Variants in ARFIP2 observed in about 807,000 individuals in gnomAD.
ARFIP2 encodes arfaptin-2.
Under a neutral mutation model 39.2 loss-of-function variants are expected in ARFIP2, and 14 were observed. That is an observed-to-expected ratio of 0.36 (90% CI 0.24 to 0.56). ARFIP2 has a LOEUF of 0.56. Ranked by LOEUF, ARFIP2 falls within the 20% of genes least tolerant of loss-of-function variation. ARFIP2 has a pLI of 0.85. For synonymous variants in ARFIP2, 167 were observed against 172.4 expected, an observed-to-expected ratio of 0.97 and a Z score of 0.24; for missense variants, 305 against 422.5, an observed-to-expected ratio of 0.72 and a Z score of 2.44.
In ARFIP2 at chr11:6,479,373, G is replaced by T. The variant is rs780649932; in HGVS notation, c.197-115C>A. On this transcript the variant is annotated intron_variant, in intron 3 of 7. Transcript: ENST00000396777. ...ATTGACTTCCCTGAAGGAGATGCTAGAGACAACTGGATGCTCCTGCTTACT... is the reference window on the plus strand; with the variant it reads ...ATTGACTTCCCTGAAGGAGATGCTATAGACAACTGGATGCTCCTGCTTACT... The T allele has an allele frequency of 6.3e-6, 10 of 1,599,948 alleles. No individual in the cohort carries two copies. The African/African-American group carries it at 9.4e-5, about 15-fold the overall frequency.
chr11:6,480,533 T>G, intron 1 of ARFIP2, 70 bp from the exon 2 acceptor site: 2 of 774,560 alleles, frequency 2.6e-6, no homozygotes, highest in Admixed American at 6.3e-5. Context: ...CCTCTGTCAT[T>G]TCTTTAAAGG....
rs527723995 is a variant in ARFIP2 at position 6,479,657 on chromosome 11, T to C, written c.196+315A>G. 112 of 531,408 alleles carry C rather than the reference T, an allele frequency of 2.1e-4. 2 individuals carry two copies. In the South Asian group the frequency reaches 2.8e-3, roughly 13 times the overall value. 32.9% of individuals were successfully genotyped at this position (531,408 alleles called of 1,614,324 possible). On this transcript the variant is annotated intron_variant, in intron 3 of 7. Coordinates refer to ENST00000396777, the MANE Select transcript of ARFIP2 (RefSeq NM_001376558.2). Reference sequence around the variant, plus strand: ...TCTAAACTTTAGAATCTAAAAATTCTGAGAAGCTTCACAAAGTTCCAACTC... The same window carrying C: ...TCTAAACTTTAGAATCTAAAAATTCCGAGAAGCTTCACAAAGTTCCAACTC...
In ARFIP2 at chr11:6,481,291, C is replaced by A; in HGVS notation, c.-103G>T. 1.5e-6 allele frequency: 1 copy of A among 677,778 alleles called. No individual in the cohort carries two copies. Among genetic ancestry groups the A allele is most frequent in the Non-Finnish European group, 2.5e-6 (1 of 406,924 alleles). The allele number at this position is 677,778 out of a possible 1,614,324, so 42.0% of individuals were successfully genotyped here. Reference sequence around the variant, plus strand: ...GCCCGGGCCGCGCGGGGACCTCGGGCTCCAGTTCCCGTCGCGATCCTAGCA... The same window carrying A: ...GCCCGGGCCGCGCGGGGACCTCGGGATCCAGTTCCCGTCGCGATCCTAGCA... On this transcript the variant is annotated 5_prime_UTR_variant, in exon 1 of 8. Coordinates refer to ENST00000396777, the MANE Select transcript of ARFIP2 (RefSeq NM_001376558.2).
In ARFIP2 at chr11:6,481,243, C is replaced by T; in HGVS notation, c.-55G>A. 2 of 590,534 alleles carry T rather than the reference C, an allele frequency of 3.4e-6. No individual in the cohort carries two copies. Among genetic ancestry groups the T allele is most frequent in the East Asian group, 2.8e-5 (1 of 35,228 alleles). The allele number at this position is 590,534 out of a possible 1,614,324, so 36.6% of individuals were successfully genotyped here. A position where few individuals can be genotyped will look rare whatever the true frequency, so the allele number is the denominator to read the frequency against. On this transcript the variant is annotated 5_prime_UTR_variant, in exon 1 of 8. Transcript: ENST00000396777. ...ATGTTCCTCTCACCTCGGGCCGGGC[C>T]GCTCTTCCCCTCAGGGCGCCAGGCC...
chr11:6,477,034 G>T lies in ARFIP2; in HGVS notation c.*79C>A. The T allele has an allele frequency of 6.8e-7, 1 of 1,464,000 alleles. No homozygotes were observed. Among genetic ancestry groups the T allele is most frequent in the Non-Finnish European group, 9.2e-7 (1 of 1,092,744 alleles). The allele number at this position is 1,464,000 out of a possible 1,614,324, so 90.7% of individuals were successfully genotyped here. A position where few individuals can be genotyped will look rare whatever the true frequency, so the allele number is the denominator to read the frequency against. On this transcript the variant is annotated 3_prime_UTR_variant, in exon 8 of 8. Coordinates refer to ENST00000396777, the MANE Select transcript of ARFIP2 (RefSeq NM_001376558.2). This position sits in a 1 kb window ranked among gnomAD's most constrained non-coding sequence, Gnocchi z 4.8. ...AGCCAGAGGGCAAGTGACAAAGGAT[G>T]TACCATGTCCAATCTCCCACACCCT...
At chr11:6,479,358 C>G (rs1249296765) in intron 3 of ARFIP2, 100 bp from the exon 4 acceptor site, 1 of 1,605,728 alleles carries the variant, frequency 6.2e-7, no homozygotes, top group African/African-American at 1.3e-5. Flanking sequence ...ATTGACTTCC[C>G]TGAAGGAGAT....
chr11:6,479,259 C>CTA lies in ARFIP2; in HGVS notation c.197-3_197-2dup. On this transcript the variant is annotated splice_acceptor_variant, in intron 3 of 7. Coordinates refer to ENST00000396777, the MANE Select transcript of ARFIP2 (RefSeq NM_001376558.2). LOFTEE classifies it high-confidence loss of function. ...CTGTGAGATGGATGGCGGCCAGACC[C>CTA]TAAAGGATCAAGTTCTCTGACACCA... 2 of 1,614,088 alleles carry CTA rather than the reference C, an allele frequency of 1.2e-6. No individual in the cohort carries two copies. Among genetic ancestry groups the CTA allele is most frequent in the Non-Finnish European group, 1.7e-6 (2 of 1,180,024 alleles).
At position 6,478,345 on chromosome 11, in the gene ARFIP2, C is replaced by T. The variant is rs950986720; in HGVS notation, c.538-147G>A. On this transcript the variant is annotated intron_variant, in intron 5 of 7. Coordinates refer to ENST00000396777, the MANE Select transcript of ARFIP2 (RefSeq NM_001376558.2). This position sits in a 1 kb window ranked among gnomAD's most constrained non-coding sequence, Gnocchi z 4.8. ...CTGCCTCCAGCAAGGCTCTCTTAGC[C>T]GGAAAGTTAGTGGGATCACCCTGGG... 2.0e-5 allele frequency: 23 copies of T among 1,140,360 alleles called. No homozygotes were observed. The highest frequency in any genetic ancestry group is 2.2e-4 in the Middle Eastern group (1 of 4,546). The allele number at this position is 1,140,360 out of a possible 1,614,324, so 70.6% of individuals were successfully genotyped here.
chr11:6,480,477 C>T lies in ARFIP2; in HGVS notation c.-42-14G>A, dbSNP rs142980101. On this transcript the variant is annotated splice_polypyrimidine_tract_variant and intron_variant, in intron 1 of 7. Transcript: ENST00000396777. ...CACCCCAGCACCCTGCAAAGCCCAA[C>T]ACAGAAGTTCTGGACACTGGCCAGC... 243 of 1,400,194 alleles carry T rather than the reference C, an allele frequency of 1.7e-4. 1 individual carries two copies. The African/African-American group carries it at 3.2e-3, about 19-fold the overall frequency. The allele number at this position is 1,400,194 out of a possible 1,614,324, so 86.7% of individuals were successfully genotyped here.
chr11:6,480,382 T>A lies in ARFIP2; in HGVS notation c.40A>T (p.Ile14Phe). 2 of 1,613,546 alleles carry A rather than the reference T, an allele frequency of 1.2e-6. No individual in the cohort carries two copies. Among genetic ancestry groups the A allele is most frequent in the Non-Finnish European group, 1.7e-6 (2 of 1,179,780 alleles). The change falls in exon 2 of 8, where the codon ATC becomes TTC. Residue 14 changes from isoleucine to phenylalanine, a missense_variant. Around this residue, in one of 3 missense-constraint regions of ARFIP2, gnomAD observed 151 missense variants for 203.1 expected, o/e 0.74. Transcript: ENST00000396777. ...GCTTCGCCGTTCCCGTGGATAGGGATCTCCATTGTGGCTGCCTTCCCTAGG... is the reference window on the plus strand; with the variant it reads ...GCTTCGCCGTTCCCGTGGATAGGGAACTCCATTGTGGCTGCCTTCCCTAGG... ...GILGKAATME[I>F]PIHGNGEARQ... is the part of the protein sequence containing the mutation.
Position 6,476,781 on chromosome 11 carries a change from G to A in ARFIP2, c.*332C>T. 3.9e-6 allele frequency: 1 copy of A among 258,948 alleles called. No individual in the cohort carries two copies. The allele number at this position is 258,948 out of a possible 1,614,324, so 16.0% of individuals were successfully genotyped here. A position where few individuals can be genotyped will look rare whatever the true frequency, so the allele number is the denominator to read the frequency against. On this transcript the variant is annotated 3_prime_UTR_variant, in exon 8 of 8. Coordinates refer to ENST00000396777, the MANE Select transcript of ARFIP2 (RefSeq NM_001376558.2). ...CCATTGGCTGACAGGGCATTTTCAG[G>A]CTCTGTCATTGGTCAGGGAGCACAC...
In ARFIP2 at chr11:6,477,707, G is replaced by A. The variant is rs762500928; in HGVS notation, c.870+11C>T. On this transcript the variant is annotated intron_variant, in intron 7 of 7. Transcript: ENST00000396777. The surrounding 1 kb of genome is among the most constrained non-coding windows in gnomAD (Gnocchi z 4.8). Reference sequence around the variant, plus strand: ...AAAGGTGGGCTAGGGTCAAGGGGGTGGGGTTGGCACCTTGTTTTCTTCCAG... The same window carrying A: ...AAAGGTGGGCTAGGGTCAAGGGGGTAGGGTTGGCACCTTGTTTTCTTCCAG... The A allele has an allele frequency of 3.7e-6, 6 of 1,612,950 alleles. No homozygotes were observed. Among genetic ancestry groups the A allele is most frequent in the Admixed American group, 1.7e-5 (1 of 59,942 alleles).
chr11:6,479,913 T>C, intron 3 of ARFIP2, 59 bp downstream of exon 3: 1 of 1,517,672 alleles, frequency 6.6e-7, no homozygotes, highest in Non-Finnish European at 9.1e-7. Context: ...ATCCTATGCT[T>C]CCCCAAACCA....
chr11:6,479,914 C>T, intron 3 of ARFIP2, 58 bp downstream of exon 3: 1 of 1,527,164 alleles, frequency 6.5e-7, no homozygotes, highest in Non-Finnish European at 9.1e-7. Context: ...TCCTATGCTT[C>T]CCCAAACCAT....
Position 6,476,932 on chromosome 11 carries a change from T to C in ARFIP2, c.*181A>G. The C allele has an allele frequency of 3.1e-6, 2 of 641,532 alleles. No homozygotes were observed. Among genetic ancestry groups the C allele is most frequent in the Non-Finnish European group, 5.1e-6 (2 of 389,262 alleles). The allele number at this position is 641,532 out of a possible 1,614,324, so 39.7% of individuals were successfully genotyped here. ...GGAAGATAGACAGGGCAGCAACTTC[T>C]GGGCCTCCAGGCCCTCTTCCCACCA... On this transcript the variant is annotated 3_prime_UTR_variant, in exon 8 of 8. Transcript: ENST00000396777.
Position 6,478,922 on chromosome 11 carries a change from C to A in ARFIP2, c.353G>T (p.Gly118Val). 6.2e-7 allele frequency: 1 copy of A among 1,614,172 alleles called. No homozygotes were observed. The highest frequency in any genetic ancestry group is 8.5e-7 in the Non-Finnish European group (1 of 1,180,016). Residue 118 changes from glycine (G) to valine (V), a missense_variant, in exon 5 of 8, where the codon GGC becomes GTC. Gly to Val is a moderately radical substitution (Grantham distance 109). Coordinates refer to ENST00000396777, the MANE Select transcript of ARFIP2 (RefSeq NM_001376558.2). The surrounding 1 kb of genome is among the most constrained non-coding windows in gnomAD (Gnocchi z 4.8). ...KQLLSERFGR[G>V]SRTVDLELEL... Reference sequence around the variant, plus strand: ...TAGCTCCAGGTCCACAGTCCGTGAGCCTCGACCAAATCGTTCTGATAACAG... The same window carrying A: ...TAGCTCCAGGTCCACAGTCCGTGAGACTCGACCAAATCGTTCTGATAACAG...
At chr11:6,481,027 GTC>G (rs1851702366) in intron 1 of ARFIP2, 1 of 212,888 alleles carries the variant, frequency 4.7e-6, no homozygotes, top group African/African-American at 2.4e-5. Flanking sequence ...TATGTTCCCA[GTC>G]TCTGGTAAAA....
Position 6,477,970 on chromosome 11 carries a change from T to C in ARFIP2, c.695+71A>G. ...CTCTCCTTTCCTTCCTGAATTCTTA[T>C]GCCCCTAATGCCCAAATTTCCACCC... On this transcript the variant is annotated intron_variant, in intron 6 of 7. Transcript: ENST00000396777. The surrounding 1 kb of genome is among the most constrained non-coding windows in gnomAD (Gnocchi z 4.8). 1 of 1,604,374 alleles carries C rather than the reference T, an allele frequency of 6.2e-7. No individual in the cohort carries two copies. The highest frequency in any genetic ancestry group is 8.5e-7 in the Non-Finnish European group (1 of 1,173,160).
At position 6,477,485 on chromosome 11, in the gene ARFIP2, T is replaced by C. The variant is rs1851204100; in HGVS notation, c.871-217A>G. On this transcript the variant is annotated intron_variant, in intron 7 of 7. Coordinates refer to ENST00000396777, the MANE Select transcript of ARFIP2 (RefSeq NM_001376558.2). The surrounding 1 kb of genome is among the most constrained non-coding windows in gnomAD (Gnocchi z 4.8). ...GGGCCTAGGGTTTTTGTACCCCAGCTCAGGGGGTGATTTTTCCCAGTTATG... is the reference window on the plus strand; with the variant it reads ...GGGCCTAGGGTTTTTGTACCCCAGCCCAGGGGGTGATTTTTCCCAGTTATG... 6.6e-6 allele frequency among the ~76,000 whole-genome samples: 1 copy of C among 152,088 alleles called. No homozygotes were observed. Among genetic ancestry groups the C allele is most frequent in the Non-Finnish European group, 1.5e-5 (1 of 68,014 alleles).
Sources: gnomAD v4.1 joint callset for allele counts (sites outside exome capture counted in the v4.1 genomes callset) on GRCh38, gnomAD v4.1.1 for gene constraint, gnomAD v4.1.1 regional missense constraint, Gnocchi (gnomAD v3.1) non-coding constraint, MANE v1.5 for transcripts, NCBI Gene and HGNC (gene_info 2026-07-23, HGNC 2026-07-21) for gene names.